MPV17L: variants seen among roughly 807,000 people sequenced by gnomAD.
MPV17L encodes MPV17 mitochondrial inner membrane protein like.
MPV17L carries 24 observed loss-of-function variants against 25.8 expected under a neutral mutation model. The ratio of observed to expected loss-of-function variants is 0.93; its 90% confidence interval spans 0.67 to 1.31. MPV17L has a LOEUF of 1.31. Among genes scored for constraint, MPV17L ranks in the 50% most tolerant of loss-of-function variants. MPV17L has a pLI of 0.00. For synonymous variants in MPV17L, 102 were observed against 115.3 expected, an observed-to-expected ratio of 0.88 and a Z score of 0.74; for missense variants, 250 against 265.6, an observed-to-expected ratio of 0.94 and a Z score of 0.41.
At chr16:15,396,949 G>A (rs2050592214) in intron 1 of MPV17L, among the ~76,000 whole-genome samples, 1 of 152,138 alleles carries the variant, frequency 6.6e-6, no homozygotes, top group East Asian at 1.9e-4. Context: ...TGGGGGACAG[G>A]GGCTTGACTG....
At chr16:15,397,114 C>T (rs531616457) in intron 1 of MPV17L, among the ~76,000 whole-genome samples, 2 of 152,106 alleles carry the variant, frequency 1.3e-5, no homozygotes, top group African/African-American at 4.8e-5. Flanking sequence ...AGACACTGGG[C>T]GTATTCTCCC....
chr16:15,406,024 A>T (rs750000910), intron 2 of MPV17L, among the ~76,000 whole-genome samples: 1 of 151,956 alleles, frequency 6.6e-6, no homozygotes, highest in Non-Finnish European at 1.5e-5. Context: ...CCTTGTCTCT[A>T]CTAAAAATAC....
chr16:15,403,389 G>C (rs178499), intron 2 of MPV17L, among the ~76,000 whole-genome samples: 28,756 of 133,780 alleles, frequency 0.21, 3,948 homozygotes, highest in East Asian at 0.4. Context: ...AAAAAAAAAA[G>C]AGCAAGAAGT....
chr16:15,408,231 A>G lies in MPV17L; in HGVS notation c.*119A>G. On this transcript the variant is annotated 3_prime_UTR_variant, in exon 4 of 4. Coordinates refer to ENST00000396385, the MANE Select transcript of MPV17L (RefSeq NM_001128423.2). ...TCATTTTGAGGAATTACTACTATTT[A>G]TAGACCCACTTTTTAAAAAATTATC... is the stretch of plus-strand genomic sequence containing the variant. 2.9e-6 allele frequency: 2 copies of G among 696,028 alleles called. No individual in the cohort carries two copies. Among genetic ancestry groups the G allele is most frequent in the Non-Finnish European group, 4.7e-6 (2 of 429,468 alleles). 43.1% of individuals were successfully genotyped at this position (696,028 alleles called of 1,614,324 possible).
Position 15,396,110 on chromosome 16 carries a change from G to C in MPV17L, c.213G>C (p.Glu71Asp), listed in dbSNP as rs1326307899. The C allele has an allele frequency of 6.5e-7, 1 of 1,545,560 alleles. No homozygotes were observed. The highest frequency in any genetic ancestry group is 1.4e-5 in the African/African-American group (1 of 73,036). Reference sequence around the variant, plus strand: ...ACTACGTGTGGCTGCGCCTGCTGGAGCGCGCGCTCCCGGGCCGAGCGCCGC... The same window carrying C: ...ACTACGTGTGGCTGCGCCTGCTGGACCGCGCGCTCCCGGGCCGAGCGCCGC... Reference protein sequence around the residue: ...NFNYVWLRLLERALPGRAPHA... With the variant: ...NFNYVWLRLLDRALPGRAPHA... Residue 71 changes from glutamate (E) to aspartate (D), a missense_variant, in exon 1 of 4, where the codon GAG becomes GAC. Physicochemically the swap from Glu to Asp is conservative, Grantham distance 45. Coordinates refer to ENST00000396385, the MANE Select transcript of MPV17L (RefSeq NM_001128423.2).
At chr16:15,402,421 G>A (rs2050646022) in intron 2 of MPV17L, among the ~76,000 whole-genome samples, 1 of 152,060 alleles carries the variant, frequency 6.6e-6, no homozygotes, top group African/African-American at 2.4e-5. Context: ...GCCACACCCA[G>A]CTATTACCTC....
Position 15,411,677 on chromosome 16 carries a change from G to A in MPV17L, c.*3565G>A, listed in dbSNP as rs2050734869. On this transcript the variant is annotated 3_prime_UTR_variant, in exon 4 of 4. Transcript: ENST00000396385. Reference sequence around the variant, plus strand: ...AATAATAACAATTATAAGAAGGCTGGGCGCGGTGGCTCATGCTTGTAATCC... The same window carrying A: ...AATAATAACAATTATAAGAAGGCTGAGCGCGGTGGCTCATGCTTGTAATCC... The A allele has an allele frequency of 6.6e-6, 1 of 152,190 alleles. No homozygotes were observed. The highest frequency in any genetic ancestry group is 6.5e-5 in the Admixed American group (1 of 15,278). 9.4% of individuals were successfully genotyped at this position (152,190 alleles called of 1,614,324 possible).
chr16:15,401,425 C>T (rs1322932124), intron 2 of MPV17L, among the ~76,000 whole-genome samples: 1 of 151,970 alleles, frequency 6.6e-6, no homozygotes, highest in Non-Finnish European at 1.5e-5. Context: ...GTTTGGTTGA[C>T]AGAAGGGTCC....
intron 1 of MPV17L, 59 bp downstream of exon 1, chr16:15,396,266 G>A (rs961699915): frequency 1.3e-6 from 2 of 1,521,900 alleles, no homozygotes; most frequent in African/African-American, 2.8e-5. Flanking sequence ...CTGGAGGCTG[G>A]GACTCGGGGA....
intron 2 of MPV17L, among the ~76,000 whole-genome samples, chr16:15,407,003 A>G (rs1465862917): frequency 6.6e-6 from 1 of 151,512 alleles, no homozygotes; most frequent in Non-Finnish European, 1.5e-5. Flanking sequence ...GGGAGGCTGC[A>G]GTGGGACTAC....
At chr16:15,399,142 C>T (rs1177498239) in intron 1 of MPV17L, among the ~76,000 whole-genome samples, 1 of 144,550 alleles carries the variant, frequency 6.9e-6, no homozygotes, top group Non-Finnish European at 1.6e-5. Flanking sequence ...CTTTGTAACT[C>T]TACCCACCTT....
At chr16:15,400,412 A>G (rs2150905094) in intron 1 of MPV17L, among the ~76,000 whole-genome samples, 2 of 142,984 alleles carry the variant, frequency 1.4e-5, no homozygotes, top group Middle Eastern at 7.3e-3. Flanking sequence ...GTGCAGTGGC[A>G]TGATCACAGC....
At chr16:15,407,573 C>G (rs1380560819) in intron 2 of MPV17L, among the ~76,000 whole-genome samples, 5 of 151,934 alleles carry the variant, frequency 3.3e-5, no homozygotes, top group Admixed American at 1.3e-4. Context: ...GAAAACCCGT[C>G]TCTACTAAAA....
chr16:15,401,238 G>A (rs2050638863), intron 2 of MPV17L, among the ~76,000 whole-genome samples: 2 of 150,806 alleles, frequency 1.3e-5, no homozygotes, highest in Non-Finnish European at 3.0e-5. Flanking sequence ...TCAGCCTCCT[G>A]AGTAGCTGAG....
intron 1 of MPV17L, among the ~76,000 whole-genome samples, chr16:15,396,719 G>T (rs867143105): frequency 7.9e-5 from 12 of 152,282 alleles, no homozygotes; most frequent in Middle Eastern, 3.4e-3. Context: ...AATGCAAGGG[G>T]ATCAGTGACC....
chr16:15,396,636 G>A (rs1353489630), intron 1 of MPV17L, among the ~76,000 whole-genome samples: 1 of 152,170 alleles, frequency 6.6e-6, no homozygotes, highest in East Asian at 1.9e-4. Context: ...TGAACCAGTC[G>A]TGGGACAGGG....
intron 2 of MPV17L, among the ~76,000 whole-genome samples, chr16:15,403,980 A>G (rs1297817598): frequency 6.6e-6 from 1 of 151,812 alleles, no homozygotes; most frequent in Admixed American, 6.6e-5. Context: ...ATCCTCGCCA[A>G]CTTGATGAAA....
chr16:15,402,006 A>G (rs1205848408), intron 2 of MPV17L, among the ~76,000 whole-genome samples: 1 of 152,172 alleles, frequency 6.6e-6, no homozygotes, highest in Non-Finnish European at 1.5e-5. Flanking sequence ...GAGATTATAG[A>G]TTGTGAGTGG....
rs1303939088 is a variant in MPV17L at position 15,413,158 on chromosome 16, A to C, written c.*5046A>C. The C allele has an allele frequency of 6.6e-6, 1 of 152,160 alleles. No homozygotes were observed. The highest frequency in any genetic ancestry group is 1.5e-5 in the Non-Finnish European group (1 of 68,030). The allele number at this position is 152,160 out of a possible 1,614,324, so 9.4% of individuals were successfully genotyped here. A position where few individuals can be genotyped will look rare whatever the true frequency, so the allele number is the denominator to read the frequency against. On this transcript the variant is annotated 3_prime_UTR_variant, in exon 4 of 4. Transcript: ENST00000396385. ...ATCTTCTGAGAGTATTAAAAAGTTA[A>C]TGGGTTTTTGTGCCTGAAGATTTTG...
Sources: gnomAD v4.1 joint callset for allele counts (sites outside exome capture counted in the v4.1 genomes callset) on GRCh38, gnomAD v4.1.1 for gene constraint, MANE v1.5 for transcripts, NCBI Gene and HGNC (gene_info 2026-07-23, HGNC 2026-07-21) for gene names.